Variants in RALYL observed in about 807,000 individuals in gnomAD.
RALYL encodes the protein RALY RNA binding protein like, also known as RNA-binding Raly-like protein.
Under a neutral mutation model 35.1 loss-of-function variants are expected in RALYL, and 29 were observed. The observed-to-expected ratio is 0.83, with a 90% CI of 0.61 to 1.13. The LOEUF is 1.13. Among genes scored for constraint, RALYL ranks in the 50% most tolerant of loss-of-function variants. The probability of loss-of-function intolerance (pLI) is 0.00; values close to 1 mark genes in which losing one functional copy is unlikely to be tolerated. For synonymous variants in RALYL, 120 were observed against 127.6 expected (o/e 0.94, Z 0.40); for missense variants, 359 against 360.4 (o/e 1.00, Z 0.03).
chr8:84,642,279 T>G (rs936123629), intron 2 of RALYL, among the ~76,000 whole-genome samples: 1 of 152,052 alleles, frequency 6.6e-6, no homozygotes, highest in African/African-American at 2.4e-5. Flanking sequence ...AGCTAAACTT[T>G]GTTTGCCCTG....
chr8:84,663,323 A>T (rs377541253), intron 2 of RALYL, among the ~76,000 whole-genome samples: 3 of 152,188 alleles, frequency 2.0e-5, no homozygotes, highest in East Asian at 3.8e-4. Flanking sequence ...TAATAGAATG[A>T]TGTATATTCC....
chr8:84,627,894 C>A (rs1320337301), intron 2 of RALYL, among the ~76,000 whole-genome samples: 1 of 152,028 alleles, frequency 6.6e-6, no homozygotes, highest in Non-Finnish European at 1.5e-5. Flanking sequence ...TTGTACCCCA[C>A]TAAATTCATG....
At chr8:84,637,456 A>C (rs1407864037) in intron 2 of RALYL, among the ~76,000 whole-genome samples, 10 of 151,888 alleles carry the variant, frequency 6.6e-5, no homozygotes, top group Admixed American at 1.3e-4. Flanking sequence ...ATAACCAAAC[A>C]CAAGTCCAAC....
At chr8:84,617,629 G>A (rs1210775995) in intron 2 of RALYL, among the ~76,000 whole-genome samples, 1 of 148,768 alleles carries the variant, frequency 6.7e-6, no homozygotes, top group African/African-American at 2.5e-5. Flanking sequence ...CCAACACTAT[G>A]TTGAATAGGA....
chr8:84,321,197 T>C (rs1157985298), intron 1 of RALYL, among the ~76,000 whole-genome samples: 1 of 152,094 alleles, frequency 6.6e-6, no homozygotes, highest in Non-Finnish European at 1.5e-5. Flanking sequence ...TAAAACAAAA[T>C]GCACGAGTGG....
chr8:84,291,527 A>C (rs1425213949), intron 1 of RALYL, among the ~76,000 whole-genome samples: 1 of 152,202 alleles, frequency 6.6e-6, no homozygotes, highest in African/African-American at 2.4e-5. Context: ...ATTAATGGTC[A>C]AAAGTTTAAC....
chr8:84,670,838 G>T (rs1024311303), intron 2 of RALYL, among the ~76,000 whole-genome samples: 1 of 152,090 alleles, frequency 6.6e-6, no homozygotes, highest in African/African-American at 2.4e-5. Flanking sequence ...ATATCATTCT[G>T]CCTCTGGCCC....
chr8:84,716,481 G>A (rs1269814402), intron 2 of RALYL, among the ~76,000 whole-genome samples: 1 of 152,140 alleles, frequency 6.6e-6, no homozygotes, highest in Admixed American at 6.6e-5. Context: ...GCCTTCATAA[G>A]GTAGCAAAAG....
chr8:84,330,135 A>G (rs1371995749), intron 1 of RALYL, among the ~76,000 whole-genome samples: 1 of 152,074 alleles, frequency 6.6e-6, no homozygotes, highest in Non-Finnish European at 1.5e-5. Flanking sequence ...GTAGAGATGC[A>G]TAACTTCTCT....
At chr8:84,486,145 T>C (rs1205852386) in intron 1 of RALYL, among the ~76,000 whole-genome samples, 1 of 150,742 alleles carries the variant, frequency 6.6e-6, no homozygotes, top group African/African-American at 2.4e-5. Context: ...GACACATACA[T>C]TGGATTATTG....
chr8:84,862,174 C>A, intron 5 of RALYL, 122 bp from the exon 6 acceptor site: 1 of 786,400 alleles, frequency 1.3e-6, no homozygotes, highest in Non-Finnish European at 1.9e-6. Context: ...TATTAGAGAA[C>A]AGCAGCAGAA....
intron 1 of RALYL, among the ~76,000 whole-genome samples, chr8:84,477,404 A>C (rs1587646244): frequency 6.7e-6 from 1 of 149,584 alleles, no homozygotes; most frequent in East Asian, 2.0e-4. Flanking sequence ...ATATTTATTT[A>C]TTGATCATTT....
chr8:84,185,738 AC>A (rs1681909206), intron 1 of RALYL, among the ~76,000 whole-genome samples: 1 of 152,196 alleles, frequency 6.6e-6, no homozygotes, highest in South Asian at 2.1e-4. Context: ...TGAAACAACA[AC>A]TTTTTACCTC....
At chr8:84,545,943 G>T (rs2060324797) in intron 2 of RALYL, among the ~76,000 whole-genome samples, 1 of 152,014 alleles carries the variant, frequency 6.6e-6, no homozygotes, top group Non-Finnish European at 1.5e-5. Context: ...AGCTCCAAAA[G>T]GACTTTGGTA....
chr8:84,204,151 G>A (rs965141278), intron 1 of RALYL, among the ~76,000 whole-genome samples: 1 of 151,380 alleles, frequency 6.6e-6, no homozygotes, highest in Admixed American at 6.6e-5. Flanking sequence ...TTCTGAATAA[G>A]AACACAGAAA....
intron 1 of RALYL, among the ~76,000 whole-genome samples, chr8:84,314,189 G>A (rs541066205): frequency 2.6e-5 from 4 of 151,948 alleles, no homozygotes; most frequent in African/African-American, 4.8e-5. Context: ...ATTATCAAGG[G>A]TACAACATGG....
At chr8:84,831,064 A>G (rs1400407247) in intron 4 of RALYL, among the ~76,000 whole-genome samples, 1 of 152,114 alleles carries the variant, frequency 6.6e-6, no homozygotes, top group Non-Finnish European at 1.5e-5. Context: ...AAAAATGAGA[A>G]CAAAAGAAAA....
At chr8:84,540,187 A>G (rs1022160236) in intron 2 of RALYL, among the ~76,000 whole-genome samples, 3 of 151,782 alleles carry the variant, frequency 2.0e-5, no homozygotes, top group African/African-American at 7.2e-5. Flanking sequence ...TTATCTTCCA[A>G]TACGTACTCA....
At chr8:84,890,461 T>C (rs1213499574) in intron 8 of RALYL, among the ~76,000 whole-genome samples, 2 of 152,202 alleles carry the variant, frequency 1.3e-5, no homozygotes. Flanking sequence ...CATATAAAGA[T>C]TGGCAGTGTT....
Sources: allele counts gnomAD v4.1 joint callset (sites outside exome capture counted in the v4.1 genomes callset), GRCh38; gene constraint gnomAD v4.1.1; transcripts MANE v1.5; gene names NCBI Gene and HGNC (gene_info 2026-07-23, HGNC 2026-07-21).